MROH7: variants seen among roughly 807,000 people sequenced by gnomAD.
MROH7 encodes the protein maestro heat like repeat family member 7, also known as maestro heat-like repeat-containing protein family member 7.
In MROH7, 113 loss-of-function variants were observed where a neutral mutation model predicts 129.2. That is an observed-to-expected ratio of 0.87 (90% CI 0.75 to 1.02). The LOEUF is 1.02. Among genes scored for constraint, MROH7 ranks in the 50% least tolerant of loss-of-function variants. The pLI, the probability that MROH7 is intolerant of heterozygous loss-of-function variation, is 0.00. For synonymous variants in MROH7, 655 were observed against 667.9 expected (o/e 0.98, Z 0.30); for missense variants, 1,601 against 1,671.3 (o/e 0.96, Z 0.73).
At position 54,679,423 on chromosome 1, in the gene MROH7, A is replaced by C. The variant is rs1381233771; in HGVS notation, c.2210A>C (p.His737Pro). ...AGCTCGGTGCTGGAGTGGTACCGCC[A>C]CAGGGCGCTGGAGGTGGTAAGGCCT... ...MLSSVLEWYR[H>P]RALEVIPEIM... The change falls in exon 12 of 24, where the codon CAC (histidine) becomes CCC (proline). Residue 737 changes from histidine (H) to proline (P), a missense_variant. By Grantham distance (77) the His-to-Pro change is moderately conservative. Transcript: ENST00000421030. 6.2e-7 allele frequency: 1 copy of C among 1,613,462 alleles called. No individual in the cohort carries two copies. Among genetic ancestry groups the C allele is most frequent in the Admixed American group, 1.7e-5 (1 of 59,984 alleles).
Position 54,702,046 on chromosome 1 carries a change from C to T in MROH7, c.3286-44C>T, listed in dbSNP as rs185577325. On this transcript the variant is annotated intron_variant, in intron 19 of 23. Transcript: ENST00000421030. ...GCTCTGAATCAGCCGCAGTGAGTGG[C>T]GTCCCAGAGGAGGGACCCCCTCTGA... The T allele has an allele frequency of 4.0e-3, 5,832 of 1,474,018 alleles. 34 individuals are homozygous for T. Among genetic ancestry groups the T allele is most frequent in the Non-Finnish European group, 4.2e-3 (4,560 of 1,093,098 alleles). 91.3% of individuals were successfully genotyped at this position (1,474,018 alleles called of 1,614,324 possible). A position where few individuals can be genotyped will look rare whatever the true frequency, so the allele number is the denominator to read the frequency against.
intron 21 of MROH7, among the ~76,000 whole-genome samples, chr1:54,704,793 CTTTTTTTTT>C (rs750428757): frequency 2.4e-4 from 16 of 67,828 alleles, no homozygotes; most frequent in South Asian, 2.1e-3. Flanking sequence ...CAATGTAGCT[CTTTTTTTTT>C]TTTTTTTTTT....
intron 16 of MROH7, among the ~76,000 whole-genome samples, chr1:54,693,959 G>T (rs1239210288): frequency 6.6e-6 from 1 of 152,144 alleles, no homozygotes; most frequent in East Asian, 1.9e-4. Flanking sequence ...TCTGCTCATT[G>T]CAACCTCTGC....
chr1:54,654,768 C>G (rs781334513), intron 3 of MROH7, among the ~76,000 whole-genome samples: 1 of 152,130 alleles, frequency 6.6e-6, no homozygotes, highest in Admixed American at 6.5e-5. Flanking sequence ...AAATGTACAT[C>G]TTTTTCTTCC....
chr1:54,654,138 C>A lies in MROH7; in HGVS notation c.1212C>A (p.Thr404=). ...ACCCCGCAGGCAAGGACGCCGTGAC[C>A]TTGCAAGGCATCCCTGAGGGTAAGG... ...ISNPAGKDAV[T]LQGIPEGAFD... Residue 404 remains threonine, a synonymous_variant, in exon 3 of 24, where the codon ACC becomes ACA. Transcript: ENST00000421030. The A allele has an allele frequency of 6.2e-7, 1 of 1,610,924 alleles. No individual in the cohort carries two copies. Among genetic ancestry groups the A allele is most frequent in the Non-Finnish European group, 8.5e-7 (1 of 1,178,456 alleles).
rs190056320 is a variant in MROH7, at chr1:54,679,440, G to C, written c.2226+1G>C. 1.9e-6 allele frequency: 3 copies of C among 1,611,612 alleles called. No homozygotes were observed. The East Asian group carries it at 6.7e-5, about 36-fold the overall frequency. On this transcript the variant is annotated splice_donor_variant, in intron 12 of 23. Transcript: ENST00000421030. LOFTEE classifies it high-confidence loss of function. ...GTACCGCCACAGGGCGCTGGAGGTG[G>C]TAAGGCCTCCTGGGGGCAGGGAGTG...
At chr1:54,683,086 C>T (rs993669665) in intron 14 of MROH7, among the ~76,000 whole-genome samples, 1 of 151,916 alleles carries the variant, frequency 6.6e-6, no homozygotes, top group African/African-American at 2.4e-5. Context: ...GCCTGTAATC[C>T]CAGCACTTTG....
chr1:54,654,654 C>G (rs1644613474), intron 3 of MROH7, among the ~76,000 whole-genome samples: 1 of 150,360 alleles, frequency 6.7e-6, no homozygotes, highest in South Asian at 2.2e-4. Flanking sequence ...GCCTGGGCAA[C>G]AAGAGCAAAA....
intron 3 of MROH7, among the ~76,000 whole-genome samples, chr1:54,661,784 C>G (rs1447861215): frequency 6.6e-6 from 1 of 151,872 alleles, no homozygotes; most frequent in African/African-American, 2.4e-5. Flanking sequence ...TTAGTAGAGA[C>G]GGAGTTTCGC....
At chr1:54,699,154 C>CTT in intron 17 of MROH7, 1 of 85,328 alleles carries the variant, frequency 1.2e-5, no homozygotes, top group Admixed American at 1.2e-4. Context: ...TTCTTTCTTT[C>CTT]TTTCTTTTCT....
intron 17 of MROH7, 52 bp from the exon 18 acceptor site, chr1:54,700,269 G>A (rs2304310): frequency 0.22 from 347,930 of 1,611,250 alleles, 38,954 homozygotes; most frequent in Non-Finnish European, 0.23. Context: ...GGAGGCCAGG[G>A]GGCTGCCCTG....
rs150945502 is a variant in MROH7 at position 54,680,227 on chromosome 1, G to A, written c.2381+182G>A. The stretch of plus-strand genomic sequence containing the variant: ...CCTGAGCACTGCTGCTGTCAGCGCC[G>A]AGCATTACAATAGTCTCTAATTCTC... On this transcript the variant is annotated intron_variant, in intron 13 of 23. Coordinates refer to ENST00000421030, the MANE Select transcript of MROH7 (RefSeq NM_001039464.4). Among the ~76,000 whole-genome samples, 1,073 of 152,248 alleles carry A rather than the reference G, an allele frequency of 7.0e-3. 18 individuals are homozygous for A. Among genetic ancestry groups the A allele is most frequent in the African/African-American group, 0.024 (1,003 of 41,540 alleles).
rs754661318 is a variant in MROH7, at chr1:54,653,282, G to C, written c.356G>C (p.Gly119Ala). The change falls in exon 3 of 24, where the codon GGG becomes GCG. Residue 119 changes from glycine (G) to alanine (A), a missense_variant. Gly to Ala is a moderately conservative substitution (Grantham distance 60). Transcript: ENST00000421030. The stretch of plus-strand genomic sequence containing the variant: ...GATGTCTCAAGGCCTGACTCACAGG[G>C]GCGCCTCTGTCCAGCCTCAAACCCC... The part of the protein sequence containing the change: ...SKDVSRPDSQ[G>A]RLCPASNPIL... 4 of 1,614,116 alleles carry C rather than the reference G, an allele frequency of 2.5e-6. No homozygotes were observed. The Admixed American group carries it at 5.0e-5, about 20-fold the overall frequency.
At chr1:54,708,863 T>C in intron 22 of MROH7, 151 bp from the exon 23 acceptor site, 1 of 683,520 alleles carries the variant, frequency 1.5e-6, no homozygotes, top group Middle Eastern at 4.1e-4. Context: ...TTGGGGAATC[T>C]GTCCCAGGGT....
chr1:54,702,504 T>C, intron 20 of MROH7, 119 bp from the exon 21 acceptor site: 1 of 1,057,418 alleles, frequency 9.5e-7, no homozygotes, highest in African/African-American at 1.6e-5. Flanking sequence ...TTAAAAAAAT[T>C]AAAAATGGTC....
At chr1:54,704,033 G>A (rs1345006314) in intron 21 of MROH7, among the ~76,000 whole-genome samples, 1 of 152,118 alleles carries the variant, frequency 6.6e-6, no homozygotes, top group Non-Finnish European at 1.5e-5. Context: ...AATCCCTCCC[G>A]TGTGAAGGGA....
At chr1:54,692,353 C>G in intron 15 of MROH7, 71 bp from the exon 16 acceptor site, 1 of 1,582,762 alleles carries the variant, frequency 6.3e-7, no homozygotes, top group Non-Finnish European at 8.6e-7. Context: ...GCAGGAGAGG[C>G]CGGGGTGGAG....
At chr1:54,682,144 GT>G (rs1056263851) in intron 13 of MROH7, among the ~76,000 whole-genome samples, 58 of 147,742 alleles carry the variant, frequency 3.9e-4, no homozygotes, top group African/African-American at 1.5e-3. Context: ...GGGAAATAGG[GT>G]TTCTTTCTTT....
rs759771708 is a variant in MROH7, at chr1:54,653,217, C to T, written c.291C>T (p.Thr97=). 35 of 1,614,062 alleles carry T rather than the reference C, an allele frequency of 2.2e-5. No homozygotes were observed. The Admixed American group carries it at 4.2e-4, about 19-fold the overall frequency. ...TCGCTCCAGCCTCCCTCCAGATCAC[C>T]AGTTCTTGTTCTGGTGAAGCCCTGG... ...RAIAPASLQI[T]SSCSGEALDL... is the part of the protein sequence containing the mutation. Residue 97 remains threonine, a synonymous_variant, in exon 3 of 24, where the codon ACC becomes ACT. Transcript: ENST00000421030.
Sources: gnomAD v4.1 joint callset for allele counts (sites outside exome capture counted in the v4.1 genomes callset) on GRCh38, gnomAD v4.1.1 for gene constraint, MANE v1.5 for transcripts, NCBI Gene and HGNC (gene_info 2026-07-23, HGNC 2026-07-21) for gene names.